Variants in DLGAP1 observed in about 807,000 individuals in gnomAD.
The protein encoded by DLGAP1 is disks large-associated protein 1.
DLGAP1 carries 11 observed loss-of-function variants against 90.8 expected under a neutral mutation model. The ratio of observed to expected loss-of-function variants is 0.12; its 90% CI spans 0.08 to 0.20. The LOEUF is 0.20. Among genes scored for constraint, DLGAP1 ranks in the 10% least tolerant of loss-of-function variants. The pLI, the probability that DLGAP1 is intolerant of heterozygous loss-of-function variation, is 1.00. For missense variants in DLGAP1, 1,050 were observed against 1,333.8 expected (o/e 0.79, Z 3.31); for synonymous variants, 558 against 540.7 (o/e 1.03, Z -0.44).
At chr18:3,971,123 C>T (rs1332888139) in intron 3 of DLGAP1, among the ~76,000 whole-genome samples, 1 of 152,192 alleles carries the variant, frequency 6.6e-6, no homozygotes, top group African/African-American at 2.4e-5. Flanking sequence ...TCGGTAGCTA[C>T]AGCACAACCT....
At chr18:4,299,110 A>AG (rs1438149598) in intron 1 of DLGAP1, among the ~76,000 whole-genome samples, 9 of 149,062 alleles carry the variant, frequency 6.0e-5, no homozygotes, top group African/African-American at 2.0e-4. Context: ...AAAAAAAAAA[A>AG]TAGAAGCAAA....
rs146582016 is a variant in DLGAP1 at position 3,871,929 on chromosome 18, T to A, written c.957+7183A>T. Among the ~76,000 whole-genome samples, 669 of 152,322 alleles carry A rather than the reference T, an allele frequency of 4.4e-3. 18 individuals are homozygous for A. Among genetic ancestry groups the A allele is most frequent in the Admixed American group, 0.032 (485 of 15,298 alleles). On this transcript the variant is annotated intron_variant, in intron 4 of 12. Coordinates refer to ENST00000315677, the MANE Select transcript of DLGAP1 (RefSeq NM_004746.4). ...CGCAGGCTCACATAATTCTGCTTCA[T>A]AGACAGTTCTGTGATATCACAAGCC... is the stretch of plus-strand genomic sequence containing the variant.
intron 7 of DLGAP1, among the ~76,000 whole-genome samples, chr18:3,618,637 G>A (rs945602550): frequency 1.3e-5 from 2 of 149,900 alleles, no homozygotes; most frequent in Admixed American, 6.7e-5. Flanking sequence ...ACCCAACATA[G>A]CTATGACAAG....
At chr18:3,547,666 T>C (rs1256590989) in intron 9 of DLGAP1, among the ~76,000 whole-genome samples, 1 of 152,140 alleles carries the variant, frequency 6.6e-6, no homozygotes, top group Non-Finnish European at 1.5e-5. Flanking sequence ...CATACATTGT[T>C]GGTGGGGATG....
intron 1 of DLGAP1, among the ~76,000 whole-genome samples, chr18:4,399,414 T>A (rs1261965297): frequency 2.0e-5 from 3 of 152,232 alleles, no homozygotes; most frequent in African/African-American, 7.2e-5. Flanking sequence ...AAAATCCTTG[T>A]AAAATAAGTA....
chr18:3,809,815 A>G (rs558887960), intron 5 of DLGAP1, among the ~76,000 whole-genome samples: 2 of 152,340 alleles, frequency 1.3e-5, no homozygotes, highest in South Asian at 2.1e-4. Context: ...GTATCAAATA[A>G]AAGTCCCAGA....
intron 5 of DLGAP1, among the ~76,000 whole-genome samples, chr18:3,764,877 G>C (rs9963541): frequency 6.6e-6 from 1 of 152,080 alleles, no homozygotes; most frequent in East Asian, 1.9e-4. Context: ...GTTGAGCTTA[G>C]GTGAGTGGCG....
intron 1 of DLGAP1, among the ~76,000 whole-genome samples, chr18:4,398,029 T>C (rs1235364366): frequency 6.6e-6 from 1 of 152,194 alleles, no homozygotes; most frequent in Non-Finnish European, 1.5e-5. Flanking sequence ...GATCTATTAG[T>C]TAAGGGGTAT....
chr18:4,238,552 C>CTCTTT lies in DLGAP1; in HGVS notation c.-266-87270_-266-87266dup, dbSNP rs2078465714. On this transcript the variant is annotated intron_variant, in intron 1 of 12. Transcript: ENST00000315677. ...CCGTAGAAGTTTTGAGAAATAATAC[C>CTCTTT]TCTTTTTCACTCTCGATTTTTGGTA... Among the ~76,000 whole-genome samples, 5 of 152,094 alleles carry CTCTTT rather than the reference C, an allele frequency of 3.3e-5. No homozygotes were observed. In the South Asian group the frequency reaches 1.0e-3, roughly 32 times the overall value.
intron 1 of DLGAP1, among the ~76,000 whole-genome samples, chr18:4,222,346 C>T (rs955805875): frequency 6.6e-6 from 1 of 152,138 alleles, no homozygotes; most frequent in Non-Finnish European, 1.5e-5. Flanking sequence ...CTCTCATAAA[C>T]TCCATGAGGC....
chr18:4,032,420 A>T (rs1159827862), intron 2 of DLGAP1, among the ~76,000 whole-genome samples: 2 of 152,190 alleles, frequency 1.3e-5, no homozygotes, highest in Non-Finnish European at 2.9e-5. Context: ...GTTTTTCCCC[A>T]ATAAAGTTTT....
intron 10 of DLGAP1, among the ~76,000 whole-genome samples, chr18:3,533,804 T>C (rs372865480): frequency 3.0e-4 from 45 of 152,312 alleles, no homozygotes; most frequent in African/African-American, 1.0e-3. Flanking sequence ...GATGTATATA[T>C]TCATAGGATA....
intron 7 of DLGAP1, among the ~76,000 whole-genome samples, chr18:3,677,077 T>G (rs1028259321): frequency 6.6e-6 from 1 of 152,206 alleles, no homozygotes; most frequent in African/African-American, 2.4e-5. Flanking sequence ...TTCAGCCCGT[T>G]TCATTGGGCT....
At chr18:3,765,217 G>A in intron 5 of DLGAP1, among the ~76,000 whole-genome samples, 1 of 140,532 alleles carries the variant, frequency 7.1e-6, no homozygotes, top group Non-Finnish European at 1.5e-5. Flanking sequence ...AGCAAGCTTT[G>A]CCTCCCGGGT....
chr18:4,278,903 T>C (rs1291216825), intron 1 of DLGAP1, among the ~76,000 whole-genome samples: 2 of 152,200 alleles, frequency 1.3e-5, no homozygotes, highest in African/African-American at 4.8e-5. Flanking sequence ...ATTAGTGGGA[T>C]TGCTGGATCT....
Position 3,877,120 on chromosome 18 carries a change from C to T in DLGAP1, c.957+1992G>A, listed in dbSNP as rs1257428771. Among the ~76,000 whole-genome samples the T allele has an allele frequency of 3.9e-5, 6 of 152,260 alleles. No individual in the cohort carries two copies. In the East Asian group the frequency reaches 5.8e-4, roughly 15 times the overall value. ...CTCTTATAAAAATAGAATATTATTA[C>T]ATTCAGTAATCTTGGGATTATCACA... On this transcript the variant is annotated intron_variant, in intron 4 of 12. Transcript: ENST00000315677.
At chr18:3,630,864 CACA>C (rs966360071) in intron 7 of DLGAP1, among the ~76,000 whole-genome samples, 6 of 152,274 alleles carry the variant, frequency 3.9e-5, no homozygotes, top group East Asian at 1.9e-4. Flanking sequence ...AAAACTAAAA[CACA>C]ACAACAACAA....
At chr18:3,942,998 T>C (rs946704167) in intron 3 of DLGAP1, among the ~76,000 whole-genome samples, 1 of 152,148 alleles carries the variant, frequency 6.6e-6, no homozygotes, top group Admixed American at 6.5e-5. Flanking sequence ...AGCAATCTCT[T>C]GATGCAGCTA....
At chr18:3,749,826 G>A (rs2063427913) in intron 5 of DLGAP1, among the ~76,000 whole-genome samples, 1 of 152,080 alleles carries the variant, frequency 6.6e-6, no homozygotes. Context: ...GAATGGCACT[G>A]AAATCTACCC....
Sources: allele counts gnomAD v4.1 joint callset (sites outside exome capture counted in the v4.1 genomes callset), GRCh38; gene constraint gnomAD v4.1.1; transcripts MANE v1.5; gene names NCBI Gene and HGNC (gene_info 2026-07-23, HGNC 2026-07-21).